Variants in LTBP1 observed in about 807,000 individuals in gnomAD.
LTBP1 encodes the protein latent transforming growth factor beta binding protein 1.
In LTBP1, 129 loss-of-function variants were observed where a neutral mutation model predicts 207.6. The ratio of observed to expected loss-of-function variants is 0.62; its 90% CI spans 0.54 to 0.72. The LOEUF (loss-of-function observed/expected upper bound fraction) is 0.72. LTBP1 is among the 30% of genes least tolerant of loss of function. LTBP1 has a pLI of 0.00. For synonymous variants in LTBP1, 963 were observed against 833.7 expected (o/e 1.16, Z -2.67); for missense variants, 2,281 against 2,217.2 (o/e 1.03, Z -0.58).
rs1406516238 is a variant in LTBP1 at position 33,257,306 on chromosome 2, T to C, written c.2190T>C (p.Pro730=). 6.2e-7 allele frequency: 1 copy of C among 1,613,976 alleles called. No individual in the cohort carries two copies. The highest frequency in any genetic ancestry group is 2.2e-5 in the East Asian group (1 of 44,884). Reference sequence around the variant, plus strand: ...TAGCTGCTTTTAAGGAAATCTGTCCTGGTGGAATGGGTTATACGGTTTCTG... The same window carrying C: ...TAGCTGCTTTTAAGGAAATCTGTCCCGGTGGAATGGGTTATACGGTTTCTG... The part of the protein sequence containing the change: ...PGTAAFKEIC[P]GGMGYTVSGV... The change falls in exon 12 of 34, where the codon CCT becomes CCC. Residue 730 remains proline (P), a synonymous_variant. Coordinates refer to ENST00000404816, the MANE Select transcript of LTBP1 (RefSeq NM_206943.4).
intron 5 of LTBP1, among the ~76,000 whole-genome samples, chr2:33,162,979 G>A (rs76589452): frequency 0.015 from 2,281 of 152,170 alleles, 23 homozygotes; most frequent in East Asian, 0.027. Context: ...TTAAGAGGCT[G>A]GCTTTATTGA....
intron 3 of LTBP1, among the ~76,000 whole-genome samples, chr2:33,027,231 C>A (rs1203188775): frequency 6.6e-6 from 1 of 152,072 alleles, no homozygotes; most frequent in Non-Finnish European, 1.5e-5. Flanking sequence ...GTATAATTGA[C>A]AAATAAAAAT....
chr2:33,292,567 CTAT>C (rs1479960461), intron 19 of LTBP1, among the ~76,000 whole-genome samples: 1 of 152,158 alleles, frequency 6.6e-6, no homozygotes, highest in Non-Finnish European at 1.5e-5. Flanking sequence ...AGATTAGGTG[CTAT>C]TATTATTATC....
At chr2:33,059,458 CT>C (rs1423350298) in intron 3 of LTBP1, among the ~76,000 whole-genome samples, 1 of 152,132 alleles carries the variant, frequency 6.6e-6, no homozygotes, top group Non-Finnish European at 1.5e-5. Flanking sequence ...AAAGAGACTC[CT>C]TTTTTGGTTT....
chr2:33,237,492 T>C (rs912281460), intron 9 of LTBP1, among the ~76,000 whole-genome samples: 3 of 152,252 alleles, frequency 2.0e-5, no homozygotes, highest in African/African-American at 7.2e-5. Context: ...AGCTGACATC[T>C]ACATTTTCAT....
chr2:33,367,596 G>A lies in LTBP1; in HGVS notation c.4711+2093G>A, dbSNP rs1271032621. On this transcript the variant is annotated intron_variant, in intron 31 of 33. Transcript: ENST00000404816. ...TTAGCTACCATTTATAAGTGAGAAC[G>A]TTCAGTATTTGACTTTCTGCTTCTG... Among the ~76,000 whole-genome samples the A allele has an allele frequency of 3.9e-5, 6 of 152,074 alleles. No homozygotes were observed. The East Asian group carries it at 7.7e-4, about 20-fold the overall frequency.
At chr2:33,277,779 TTCTTTCTTTCTTTCTTTCTC>T (rs2093466286) in intron 18 of LTBP1, among the ~76,000 whole-genome samples, 1 of 106,152 alleles carries the variant, frequency 9.4e-6, no homozygotes, top group African/African-American at 4.3e-5. Context: ...CTTTCTTTCT[TTCTTTCTTTCTTTCTTTCTC>T]TCTCTCTTTC....
At chr2:33,125,363 A>G (rs1333370192) in intron 4 of LTBP1, among the ~76,000 whole-genome samples, 2 of 152,150 alleles carry the variant, frequency 1.3e-5, no homozygotes, top group African/African-American at 4.8e-5. Flanking sequence ...GCAGCCTAGT[A>G]GGCACTCAGT....
chr2:33,159,570 CA>C (rs757935243), intron 5 of LTBP1, among the ~76,000 whole-genome samples: 7 of 152,228 alleles, frequency 4.6e-5, no homozygotes, highest in Non-Finnish European at 1.0e-4. Context: ...TTCTAACCCC[CA>C]CCCTCCCCAA....
At chr2:33,046,733 G>A (rs766666809) in intron 3 of LTBP1, among the ~76,000 whole-genome samples, 3 of 152,116 alleles carry the variant, frequency 2.0e-5, no homozygotes, top group South Asian at 2.1e-4. Context: ...CTGTGAATCT[G>A]TCTGGTCCTG....
intron 3 of LTBP1, among the ~76,000 whole-genome samples, chr2:33,036,567 C>A (rs1240705770): frequency 6.6e-6 from 1 of 151,996 alleles, no homozygotes; most frequent in East Asian, 1.9e-4. Context: ...AAGCTATTCT[C>A]CTGCCTTAGC....
rs1298716888 is a variant in LTBP1, at chr2:33,127,221, C to T, written c.1034-7572C>T. On this transcript the variant is annotated intron_variant, in intron 4 of 33. Coordinates refer to ENST00000404816, the MANE Select transcript of LTBP1 (RefSeq NM_206943.4). ...GTTTTGGTTTTCTTCTCTGCCTTGTCTTTTGACTCTTTTTTTTTCTTTTAT... is the reference window on the plus strand; with the variant it reads ...GTTTTGGTTTTCTTCTCTGCCTTGTTTTTTGACTCTTTTTTTTTCTTTTAT... 2.0e-5 allele frequency among the ~76,000 whole-genome samples: 3 copies of T among 151,852 alleles called. No homozygotes were observed. In the East Asian group the frequency reaches 5.8e-4, roughly 29 times the overall value.
intron 2 of LTBP1, among the ~76,000 whole-genome samples, chr2:32,972,269 T>C (rs544573076): frequency 9.6e-6 from 1 of 103,942 alleles, no homozygotes; most frequent in East Asian, 2.2e-4. Flanking sequence ...CATTGATCTT[T>C]TGTGTTTTTT....
At position 33,134,446 on chromosome 2, in the gene LTBP1, T is replaced by C; in HGVS notation, c.1034-347T>C. On this transcript the variant is annotated intron_variant, in intron 4 of 33. Coordinates refer to ENST00000404816, the MANE Select transcript of LTBP1 (RefSeq NM_206943.4). The surrounding 1 kb of genome is among the most constrained non-coding windows in gnomAD (Gnocchi z 4.4). Reference sequence around the variant, plus strand: ...CATCTGCCTGTCAGGGTTGGCTCTTTAATCTGTCGTGCCCTCGGTATTGCT... The same window carrying C: ...CATCTGCCTGTCAGGGTTGGCTCTTCAATCTGTCGTGCCCTCGGTATTGCT... 1 of 833,606 alleles carries C rather than the reference T, an allele frequency of 1.2e-6. No homozygotes were observed. The highest frequency in any genetic ancestry group is 1.8e-6 in the Non-Finnish European group (1 of 541,174). 51.6% of individuals were successfully genotyped at this position (833,606 alleles called of 1,614,324 possible). A position where few individuals can be genotyped will look rare whatever the true frequency, so the allele number is the denominator to read the frequency against.
chr2:33,258,166 C>T (rs1366988931), intron 12 of LTBP1, among the ~76,000 whole-genome samples: 5 of 152,222 alleles, frequency 3.3e-5, no homozygotes. Context: ...CTTTGACTCT[C>T]TCTCTGGCAT....
intron 5 of LTBP1, 25 bp from the exon 6 acceptor site, chr2:33,186,831 C>G (rs2087255696): frequency 6.3e-7 from 1 of 1,585,106 alleles, no homozygotes. Context: ...AACCAACTCT[C>G]CATGTTTTCT....
chr2:33,222,095 A>G lies in LTBP1; in HGVS notation c.1820A>G (p.Asn607Ser), dbSNP rs1164986624. The G allele has an allele frequency of 2.5e-6, 4 of 1,612,628 alleles. No individual in the cohort carries two copies. Among genetic ancestry groups the G allele is most frequent in the African/African-American group, 2.7e-5 (2 of 74,902 alleles). Residue 607 changes from asparagine (N) to serine (S), a missense_variant, in exon 9 of 34, where the codon AAC becomes AGC. Asn to Ser is a conservative substitution (Grantham distance 46). Coordinates refer to ENST00000404816, the MANE Select transcript of LTBP1 (RefSeq NM_206943.4). ...TCCCTTACAGCTTATCATGGATACA[A>G]CCAAATGATGGAATGCCTACCGGGT... is the stretch of plus-strand genomic sequence containing the variant. The part of the protein sequence containing the change: ...CPKKPSYHGY[N>S]QMMECLPGYK...
chr2:33,191,133 C>T (rs796075827), intron 7 of LTBP1, among the ~76,000 whole-genome samples: 4 of 152,278 alleles, frequency 2.6e-5, no homozygotes, highest in African/African-American at 7.2e-5. Flanking sequence ...TGCCCAGTAC[C>T]TTTCTCCCCG....
At chr2:33,171,855 A>C (rs1296326266) in intron 5 of LTBP1, among the ~76,000 whole-genome samples, 2 of 152,208 alleles carry the variant, frequency 1.3e-5, no homozygotes, top group Non-Finnish European at 2.9e-5. Context: ...CCAATATTCA[A>C]CATTCTTAAA....
Sources: gnomAD v4.1 joint callset for allele counts (sites outside exome capture counted in the v4.1 genomes callset) on GRCh38, gnomAD v4.1.1 for gene constraint, Gnocchi (gnomAD v3.1) non-coding constraint, MANE v1.5 for transcripts, NCBI Gene and HGNC (gene_info 2026-07-23, HGNC 2026-07-21) for gene names.